BBS9: variants seen among roughly 807,000 people sequenced by gnomAD.
The protein encoded by BBS9 is protein PTHB1.
In BBS9, 89 loss-of-function variants were observed where a neutral mutation model predicts 117.7. The ratio of observed to expected loss-of-function variants is 0.76; its 90% CI spans 0.64 to 0.90. The LOEUF (loss-of-function observed/expected upper bound fraction) is 0.90, where lower values mean the gene tolerates loss of function less well. Among genes scored for constraint, BBS9 ranks in the 40% least tolerant of loss-of-function variants. The pLI is 0.00. For missense variants in BBS9, 982 were observed against 1,042.2 expected (o/e 0.94, Z 0.80); for synonymous variants, 379 against 370.9 (o/e 1.02, Z -0.25).
At chr7:33,213,802 C>T (rs1401452442) in intron 5 of BBS9, among the ~76,000 whole-genome samples, 1 of 151,694 alleles carries the variant, frequency 6.6e-6, no homozygotes, top group African/African-American at 2.4e-5. Context: ...GAATGGGGGC[C>T]TCATGACACT....
rs1463708020 is a variant in BBS9 at position 33,364,237 on chromosome 7, C to T, written c.1694-3530C>T. Among the ~76,000 whole-genome samples, 6 of 31,928 alleles carry T rather than the reference C, an allele frequency of 1.9e-4. 1 individual carries two copies. Among genetic ancestry groups the T allele is most frequent in the Middle Eastern group, 0.014 (1 of 74 alleles). The allele number at this position is 31,928 out of a possible 152,430, so 20.9% of individuals were successfully genotyped here. A position where few individuals can be genotyped will look rare whatever the true frequency, so the allele number is the denominator to read the frequency against. Reference sequence around the variant, plus strand: ...TGCTGGGATTACAGGCGTGAGCCACCGCGCCCGGCCTTCACTATATTTTTA... The same window carrying T: ...TGCTGGGATTACAGGCGTGAGCCACTGCGCCCGGCCTTCACTATATTTTTA... On this transcript the variant is annotated intron_variant, in intron 16 of 22. Transcript: ENST00000242067.
intron 19 of BBS9, among the ~76,000 whole-genome samples, chr7:33,397,457 C>T (rs1301477243): frequency 6.6e-6 from 1 of 152,118 alleles, no homozygotes; most frequent in Admixed American, 6.5e-5. Context: ...ACCGAGCAAT[C>T]CCATTACTGA....
At chr7:33,356,880 T>C (rs1281345855) in intron 15 of BBS9, among the ~76,000 whole-genome samples, 2 of 151,782 alleles carry the variant, frequency 1.3e-5, no homozygotes, top group African/African-American at 4.8e-5. Context: ...ATTCATCAAG[T>C]AGAGTTAGAA....
intron 9 of BBS9, among the ~76,000 whole-genome samples, chr7:33,322,556 C>T (rs1377634635): frequency 1.3e-5 from 2 of 151,790 alleles, no homozygotes; most frequent in Non-Finnish European, 2.9e-5. Context: ...ACTAATGATC[C>T]TTTGAATTTT....
Position 33,602,096 on chromosome 7 carries a change from A to G in BBS9, c.2522-2769A>G, listed in dbSNP as rs371298820. On this transcript the variant is annotated intron_variant, in intron 21 of 22. Transcript: ENST00000242067. ...ACACAAACTCAGGGAAGGGAGGGTG[A>G]GGACAAAGGGCAGCAACCAAGGGAA... 2.2e-3 allele frequency among the ~76,000 whole-genome samples: 329 copies of G among 152,294 alleles called. 2 individuals carry two copies. Among genetic ancestry groups the G allele is most frequent in the African/African-American group, 7.5e-3 (310 of 41,578 alleles).
At chr7:33,498,403 T>G (rs946245227) in intron 19 of BBS9, among the ~76,000 whole-genome samples, 2 of 152,188 alleles carry the variant, frequency 1.3e-5, no homozygotes, top group Non-Finnish European at 2.9e-5. Context: ...TTCAATGATT[T>G]TTAGTTATTC....
At chr7:33,615,065 G>A (rs1865062415) in intron 21 of BBS9, among the ~76,000 whole-genome samples, 2 of 151,946 alleles carry the variant, frequency 1.3e-5, no homozygotes, top group East Asian at 1.9e-4. Flanking sequence ...CCAGCTGACT[G>A]CAACACTGAG....
intron 7 of BBS9, among the ~76,000 whole-genome samples, chr7:33,265,933 T>C (rs1798743975): frequency 6.6e-6 from 1 of 152,178 alleles, no homozygotes; most frequent in East Asian, 1.9e-4. Context: ...CATAGCAAAA[T>C]GTCTGGATGA....
At chr7:33,432,037 T>C (rs1326199033) in intron 19 of BBS9, among the ~76,000 whole-genome samples, 1 of 152,042 alleles carries the variant, frequency 6.6e-6, no homozygotes, top group Non-Finnish European at 1.5e-5. Context: ...CCTAAGAAAC[T>C]CATTCTAGTT....
chr7:33,183,256 C>A (rs1798340662), intron 5 of BBS9, among the ~76,000 whole-genome samples: 1 of 152,006 alleles, frequency 6.6e-6, no homozygotes, highest in Non-Finnish European at 1.5e-5. Context: ...GTGTCCCAAG[C>A]TGTTAAATAT....
intron 1 of BBS9, among the ~76,000 whole-genome samples, chr7:33,137,427 C>G (rs1019187809): frequency 6.6e-6 from 1 of 152,154 alleles, no homozygotes; most frequent in African/African-American, 2.4e-5. Context: ...TGGTAGGGGG[C>G]GGGGCTCCTG....
intron 5 of BBS9, among the ~76,000 whole-genome samples, chr7:33,187,738 GT>G (rs1435172758): frequency 6.6e-6 from 1 of 151,912 alleles, no homozygotes; most frequent in Non-Finnish European, 1.5e-5. Context: ...GGCCAACGTG[GT>G]AAAACCCCAT....
intron 21 of BBS9, among the ~76,000 whole-genome samples, chr7:33,615,281 C>T (rs528472556): frequency 6.6e-6 from 1 of 152,082 alleles, no homozygotes; most frequent in East Asian, 1.9e-4. Flanking sequence ...TCAGATATGG[C>T]ATGATTGTTA....
At chr7:33,452,090 T>C (rs900440506) in intron 19 of BBS9, among the ~76,000 whole-genome samples, 7 of 152,094 alleles carry the variant, frequency 4.6e-5, no homozygotes, top group Non-Finnish European at 8.8e-5. Flanking sequence ...TGCCTCAGCC[T>C]CCCCAAGTGC....
intron 9 of BBS9, among the ~76,000 whole-genome samples, chr7:33,289,131 A>G (rs1303814443): frequency 2.0e-5 from 3 of 152,198 alleles, no homozygotes; most frequent in Non-Finnish European, 4.4e-5. Flanking sequence ...GTGCGATTCA[A>G]TATTCTATCT....
chr7:33,489,906 C>G (rs1182877983), intron 19 of BBS9, among the ~76,000 whole-genome samples: 1 of 152,154 alleles, frequency 6.6e-6, no homozygotes, highest in East Asian at 1.9e-4. Context: ...AGCTCTTTAT[C>G]ACAGTGTTGG....
chr7:33,167,357 G>A (rs1425817445), intron 4 of BBS9, among the ~76,000 whole-genome samples: 1 of 151,246 alleles, frequency 6.6e-6, no homozygotes, highest in East Asian at 1.9e-4. Context: ...GCTTGGGTTA[G>A]CAGTTTTATA....
intron 5 of BBS9, among the ~76,000 whole-genome samples, chr7:33,178,714 T>C (rs1797687384): frequency 2.0e-5 from 3 of 152,208 alleles, no homozygotes; most frequent in African/African-American, 7.2e-5. Context: ...TTGCATTGTA[T>C]TTTTCCTTAG....
At position 33,336,392 on chromosome 7, in the gene BBS9, A is replaced by C. The variant is rs1167007990; in HGVS notation, c.1017-49A>C. ...GTAAAAATGTAGTTGGTCAAGACTA[A>C]CTCTACTGAAATTTAAAATTATGTC... On this transcript the variant is annotated intron_variant, in intron 9 of 22. Coordinates refer to ENST00000242067, the MANE Select transcript of BBS9 (RefSeq NM_198428.3). 2.0e-6 allele frequency: 3 copies of C among 1,474,992 alleles called. No individual in the cohort carries two copies. The Admixed American group carries it at 5.1e-5, about 25-fold the overall frequency. 91.4% of individuals were successfully genotyped at this position (1,474,992 alleles called of 1,614,324 possible). A position where few individuals can be genotyped will look rare whatever the true frequency, so the allele number is the denominator to read the frequency against.
Sources: allele counts gnomAD v4.1 joint callset (sites outside exome capture counted in the v4.1 genomes callset), GRCh38; gene constraint gnomAD v4.1.1; transcripts MANE v1.5; gene names NCBI Gene and HGNC (gene_info 2026-07-23, HGNC 2026-07-21).